The following ZMYND8 variants were observed in gnomAD, a reference collection of about 807,000 sequenced individuals.
ZMYND8 encodes the protein zinc finger MYND-type containing 8, also known as MYND-type zinc finger-containing chromatin reader ZMYND8.
A neutral mutation model predicts 140.8 loss-of-function variants in ZMYND8; 37 were observed. The observed-to-expected ratio is 0.26, with a 90% CI of 0.20 to 0.35. ZMYND8 has a LOEUF of 0.35. Among genes scored for constraint, ZMYND8 ranks in the 10% least tolerant of loss-of-function variants. ZMYND8 has a pLI of 1.00. For missense variants in ZMYND8, 1,068 were observed against 1,570.0 expected, an observed-to-expected ratio of 0.68 and a Z score of 5.40; for synonymous variants, 592 against 597.1, an observed-to-expected ratio of 0.99 and a Z score of 0.12.
intron 11 of ZMYND8, among the ~76,000 whole-genome samples, chr20:47,267,023 C>T (rs2075577419): frequency 6.6e-6 from 1 of 152,160 alleles, no homozygotes; most frequent in Non-Finnish European, 1.5e-5. Context: ...CATCAATGGA[C>T]AAACTGAAGT....
intron 2 of ZMYND8, among the ~76,000 whole-genome samples, chr20:47,342,181 C>T (rs2081951975): frequency 2.0e-5 from 3 of 151,454 alleles, no homozygotes; most frequent in African/African-American, 4.9e-5. Flanking sequence ...CAAAAACGAA[C>T]AAACAAACAA....
intron 2 of ZMYND8, among the ~76,000 whole-genome samples, chr20:47,327,811 T>C (rs759683820): frequency 6.6e-6 from 1 of 152,266 alleles, no homozygotes; most frequent in East Asian, 1.9e-4. Flanking sequence ...CTATAACTTA[T>C]TGTTTTTTTG....
At chr20:47,322,600 C>G (rs2080062896) in intron 2 of ZMYND8, among the ~76,000 whole-genome samples, 1 of 151,806 alleles carries the variant, frequency 6.6e-6, no homozygotes, top group African/African-American at 2.4e-5. Context: ...ACCACCACAC[C>G]CATTTTCACT....
intron 12 of ZMYND8, among the ~76,000 whole-genome samples, chr20:47,254,840 C>T (rs908100669): frequency 2.6e-5 from 4 of 152,110 alleles, no homozygotes; most frequent in African/African-American, 9.7e-5. Context: ...ATAAAAATAT[C>T]TCCAGGCCAG....
intron 13 of ZMYND8, among the ~76,000 whole-genome samples, chr20:47,248,078 G>C (rs1044791289): frequency 6.6e-6 from 1 of 152,198 alleles, no homozygotes; most frequent in Non-Finnish European, 1.5e-5. Context: ...GCAGTCCAAA[G>C]GACATGAATT....
chr20:47,241,477 G>T (rs996665751), intron 14 of ZMYND8, among the ~76,000 whole-genome samples: 2 of 152,134 alleles, frequency 1.3e-5, no homozygotes, highest in Non-Finnish European at 2.9e-5. Context: ...TCAACAGGCG[G>T]AAAGTGAGAA....
intron 10 of ZMYND8, among the ~76,000 whole-genome samples, chr20:47,277,365 A>T (rs2076317611): frequency 6.6e-6 from 1 of 152,248 alleles, no homozygotes; most frequent in South Asian, 2.1e-4. Flanking sequence ...CATATCCCAC[A>T]TTCCAATTTT....
intron 8 of ZMYND8, chr20:47,285,811 C>T: frequency 1.0e-6 from 1 of 984,710 alleles, no homozygotes; most frequent in Non-Finnish European, 1.2e-6. Context: ...TCTGTTCTTC[C>T]TACGAGTTTA....
At chr20:47,312,739 G>A (rs1396074957) in intron 2 of ZMYND8, among the ~76,000 whole-genome samples, 7 of 148,680 alleles carry the variant, frequency 4.7e-5, no homozygotes, top group South Asian at 2.1e-4. Context: ...GCTGTGAGCC[G>A]AGATCACACC....
At chr20:47,258,771 G>C (rs1366621282) in intron 12 of ZMYND8, among the ~76,000 whole-genome samples, 1 of 152,108 alleles carries the variant, frequency 6.6e-6, no homozygotes, top group Admixed American at 6.6e-5. Flanking sequence ...TCCCTGGGCA[G>C]TCACTGGAGA....
intron 14 of ZMYND8, among the ~76,000 whole-genome samples, chr20:47,244,464 A>G (rs1228321474): frequency 2.0e-5 from 3 of 152,330 alleles, no homozygotes; most frequent in African/African-American, 2.4e-5. Context: ...CATCCTTCCA[A>G]TCATTCCCAC....
At chr20:47,305,203 C>G (rs1385933477) in intron 3 of ZMYND8, among the ~76,000 whole-genome samples, 1 of 151,556 alleles carries the variant, frequency 6.6e-6, no homozygotes, top group Non-Finnish European at 1.5e-5. Flanking sequence ...ACAATGACAC[C>G]ACTGTACTCC....
intron 18 of ZMYND8, 139 bp downstream of exon 18, chr20:47,227,064 C>G (rs960045063): frequency 1.1e-5 from 10 of 901,764 alleles, no homozygotes; most frequent in African/African-American, 1.7e-5. Flanking sequence ...CCCAGACTCT[C>G]AGGATTCTGT....
At chr20:47,265,725 G>A (rs1411046577) in intron 11 of ZMYND8, among the ~76,000 whole-genome samples, 1 of 152,154 alleles carries the variant, frequency 6.6e-6, no homozygotes, top group Non-Finnish European at 1.5e-5. Flanking sequence ...TTACAGGTGT[G>A]AGCCATCACG....
chr20:47,220,166 A>G lies in ZMYND8; in HGVS notation c.3484+92T>C, dbSNP rs1028687966. ...TCCATAATCGTTTGGAAACCATTGGAATAAACCCTTCAAATTCTCCCTGAC... is the reference window on the plus strand; with the variant it reads ...TCCATAATCGTTTGGAAACCATTGGGATAAACCCTTCAAATTCTCCCTGAC... On this transcript the variant is annotated intron_variant, in intron 21 of 22. Coordinates refer to ENST00000471951, the MANE Select transcript of ZMYND8 (RefSeq NM_001281775.3). The G allele has an allele frequency of 4.8e-5, 56 of 1,164,206 alleles. No homozygotes were observed. In the African/African-American group the frequency reaches 8.6e-4, roughly 18 times the overall value. 72.1% of individuals were successfully genotyped at this position (1,164,206 alleles called of 1,614,324 possible).
intron 10 of ZMYND8, among the ~76,000 whole-genome samples, chr20:47,279,483 C>T (rs977845874): frequency 2.0e-5 from 3 of 148,662 alleles, no homozygotes; most frequent in African/African-American, 7.5e-5. Context: ...GAGCAAGACC[C>T]CCCTCTTAAA....
chr20:47,356,267 T>A (rs549108811), intron 1 of ZMYND8: 26 of 944,036 alleles, frequency 2.8e-5, no homozygotes, highest in Non-Finnish European at 3.3e-5. Flanking sequence ...AAGACAATAG[T>A]GCAGGGGTGG....
intron 1 of ZMYND8, chr20:47,355,698 G>A (rs1318586128): frequency 1.2e-5 from 2 of 160,258 alleles, no homozygotes; most frequent in Non-Finnish European, 2.6e-5. Context: ...GTATAAAAGG[G>A]ACAGGAAAAT....
At chr20:47,306,174 G>A (rs2078464506) in intron 3 of ZMYND8, among the ~76,000 whole-genome samples, 1 of 152,124 alleles carries the variant, frequency 6.6e-6, no homozygotes, top group Admixed American at 6.5e-5. Flanking sequence ...AATCACTTCA[G>A]CCCAGGAGTT....
Sources: allele counts gnomAD v4.1 joint callset (sites outside exome capture counted in the v4.1 genomes callset), GRCh38; gene constraint gnomAD v4.1.1; transcripts MANE v1.5; gene names NCBI Gene and HGNC (gene_info 2026-07-23, HGNC 2026-07-21).